KCTD1: variants seen among roughly 807,000 people sequenced by gnomAD.
KCTD1 encodes the protein BTB/POZ domain-containing protein KCTD1.
Under a neutral mutation model 66.0 loss-of-function variants are expected in KCTD1, and 24 were observed. The ratio of observed to expected loss-of-function variants is 0.36; its 90% confidence interval spans 0.26 to 0.51. The LOEUF (loss-of-function observed/expected upper bound fraction) is 0.51, where lower values mean the gene tolerates loss of function less well. KCTD1 is among the 20% of genes least tolerant of loss of function. KCTD1 has a pLI of 0.95. For missense variants in KCTD1, 943 were observed against 1,205.2 expected (o/e 0.78, Z 3.22); for synonymous variants, 511 against 517.2 (o/e 0.99, Z 0.16).
chr18:26,615,918 G>A (rs1199115848), intron 1 of KCTD1, among the ~76,000 whole-genome samples: 2 of 152,010 alleles, frequency 1.3e-5, no homozygotes, highest in African/African-American at 4.8e-5. Context: ...AGCCTCCCAA[G>A]TAGCTGGGAT....
At chr18:26,640,947 CGA>C (rs1295264249), upstream of KCTD1, among the ~76,000 whole-genome samples, 1 of 152,030 alleles carries the variant, frequency 6.6e-6, no homozygotes, top group African/African-American at 2.4e-5. Context: ...GATCTAGATC[CGA>C]GAGAGTAGCC....
At chr18:26,597,134 T>C (rs1049236545) in intron 1 of KCTD1, among the ~76,000 whole-genome samples, 2 of 151,738 alleles carry the variant, frequency 1.3e-5, no homozygotes, top group Middle Eastern at 3.4e-3. Context: ...AGGACCTCCA[T>C]GTGGGAGGGG....
chr18:26,636,756 A>G (rs1226263317), intron 1 of KCTD1, among the ~76,000 whole-genome samples: 1 of 152,246 alleles, frequency 6.6e-6, no homozygotes, highest in African/African-American at 2.4e-5. Context: ...TTGAGCTGCC[A>G]GAATGGTCCT....
chr18:26,590,551 T>A (rs1259605150), intron 1 of KCTD1, among the ~76,000 whole-genome samples: 1 of 152,142 alleles, frequency 6.6e-6, no homozygotes, highest in Non-Finnish European at 1.5e-5. Context: ...TTGTTTTGTT[T>A]TAGCAAGGCT....
At chr18:26,591,886 A>T (rs1233743479) in intron 1 of KCTD1, among the ~76,000 whole-genome samples, 1 of 152,230 alleles carries the variant, frequency 6.6e-6, no homozygotes, top group African/African-American at 2.4e-5. Flanking sequence ...AAGCATTTTT[A>T]AAAAATCAGT....
chr18:26,563,351 T>A (rs1481610225), intron 1 of KCTD1, among the ~76,000 whole-genome samples: 1 of 152,142 alleles, frequency 6.6e-6, no homozygotes, highest in Non-Finnish European at 1.5e-5. Flanking sequence ...TATAACGTAC[T>A]CCCTGCCTAC....
In KCTD1 at chr18:26,459,780, C is replaced by G; in HGVS notation, c.2279G>C (p.Gly760Ala). 6.2e-7 allele frequency: 1 copy of G among 1,614,206 alleles called. No individual in the cohort carries two copies. The highest frequency in any genetic ancestry group is 8.5e-7 in the Non-Finnish European group (1 of 1,180,038). ...CLVVRVAPDL[G>A]ERITLSGDKS... ...GTCACCGCTTAGCGTGATCCTTTCTCCGAGGTCTGGGGCCACACGCACGAC... is the reference window on the plus strand; with the variant it reads ...GTCACCGCTTAGCGTGATCCTTTCTGCGAGGTCTGGGGCCACACGCACGAC... The change falls in exon 4 of 5, where the codon GGA becomes GCA. Residue 760 changes from glycine to alanine, a missense_variant. Physicochemically the swap from Gly to Ala is moderately conservative, Grantham distance 60. Coordinates refer to ENST00000580059, the MANE Select transcript of KCTD1 (RefSeq NM_001142730.3).
At chr18:26,595,071 C>A (rs1986940) in intron 1 of KCTD1, among the ~76,000 whole-genome samples, 1 of 152,050 alleles carries the variant, frequency 6.6e-6, no homozygotes, top group East Asian at 1.9e-4. Context: ...CTAATTGATT[C>A]TGTATCTCTG....
intron 1 of KCTD1, among the ~76,000 whole-genome samples, chr18:26,624,895 G>A (rs1987465684): frequency 6.6e-6 from 1 of 152,190 alleles, no homozygotes; most frequent in Non-Finnish European, 1.5e-5. Context: ...AAGCCATAGG[G>A]GTAGAGCTGC....
intron 1 of KCTD1, among the ~76,000 whole-genome samples, chr18:26,594,671 C>T (rs2144956072): frequency 6.6e-6 from 1 of 152,248 alleles, no homozygotes; most frequent in East Asian, 1.9e-4. Flanking sequence ...GCTGCGGTGC[C>T]CAAATGTCTG....
chr18:26,600,429 G>T (rs2469415), intron 1 of KCTD1: 6 of 735,512 alleles, frequency 8.2e-6, no homozygotes, highest in Non-Finnish European at 1.4e-5. Context: ...ACCTCCTCTG[G>T]ATTTGTTCAC....
At chr18:26,465,770 A>C (rs1980693317) in intron 3 of KCTD1, among the ~76,000 whole-genome samples, 1 of 152,126 alleles carries the variant, frequency 6.6e-6, no homozygotes, top group East Asian at 1.9e-4. Context: ...CCTGATGTCT[A>C]GGGCGTGCTG....
At chr18:26,641,141 C>T (rs1267785480), upstream of KCTD1, among the ~76,000 whole-genome samples, 1 of 152,158 alleles carries the variant, frequency 6.6e-6, no homozygotes, top group Non-Finnish European at 1.5e-5. Context: ...TGTTTATACC[C>T]TCACCTCCTC....
At chr18:26,591,031 A>G (rs569097191) in intron 1 of KCTD1, among the ~76,000 whole-genome samples, 3 of 152,162 alleles carry the variant, frequency 2.0e-5, no homozygotes, top group South Asian at 4.1e-4. Context: ...TGTATATGAA[A>G]ATCACTGAAT....
intron 3 of KCTD1, among the ~76,000 whole-genome samples, chr18:26,470,820 T>C (rs924922551): frequency 1.3e-4 from 20 of 152,110 alleles, no homozygotes; most frequent in Admixed American, 1.3e-3. Context: ...GTGAAAAAGA[T>C]GACTCCTGAA....
chr18:26,552,662 TGCA>T (rs1212190419), upstream of KCTD1, among the ~76,000 whole-genome samples: 3 of 152,238 alleles, frequency 2.0e-5, no homozygotes, highest in Non-Finnish European at 4.4e-5. Flanking sequence ...AGAAACTTAT[TGCA>T]GAAGTAGAGT....
intron 1 of KCTD1, among the ~76,000 whole-genome samples, chr18:26,635,157 A>T (rs7227800): frequency 1.2e-4 from 18 of 152,024 alleles, no homozygotes; most frequent in African/African-American, 4.1e-4. Flanking sequence ...AATATTATTT[A>T]TCTCAATTTC....
intron 1 of KCTD1, among the ~76,000 whole-genome samples, chr18:26,521,263 C>G (rs1333262378): frequency 6.6e-6 from 1 of 152,214 alleles, no homozygotes; most frequent in Non-Finnish European, 1.5e-5. Context: ...GTGTTAGGCA[C>G]CATTCTCAAC....
intron 1 of KCTD1, among the ~76,000 whole-genome samples, chr18:26,503,318 AAAAC>A (rs1386216638): frequency 6.6e-6 from 1 of 152,192 alleles, no homozygotes; most frequent in Admixed American, 6.5e-5. Context: ...AAAAATAAAA[AAAAC>A]AAGACAGTTG....
Sources: allele counts gnomAD v4.1 joint callset (sites outside exome capture counted in the v4.1 genomes callset), GRCh38; gene constraint gnomAD v4.1.1; transcripts MANE v1.5; gene names NCBI Gene and HGNC (gene_info 2026-07-23, HGNC 2026-07-21).